The following STX7 variants were observed in gnomAD, a reference collection of about 807,000 sequenced individuals.
STX7 encodes syntaxin-7.
Under a neutral mutation model 39.6 loss-of-function variants are expected in STX7, and 34 were observed. The ratio of observed to expected loss-of-function variants is 0.86; its 90% CI spans 0.65 to 1.14. STX7 has a LOEUF of 1.14. Among genes scored for constraint, STX7 ranks in the 50% most tolerant of loss-of-function variants. STX7 has a pLI of 0.00. For missense variants in STX7, 284 were observed against 310.4 expected (o/e 0.92, Z 0.64); for synonymous variants, 119 against 99.1 (o/e 1.20, Z -1.19).
rs1774357380 is a variant in STX7 at position 132,460,312 on chromosome 6, AT to A, written c.*445del. On this transcript the variant is annotated 3_prime_UTR_variant, in exon 10 of 10. Transcript: ENST00000367941. ...CATGTATAGACCTTAATTATTTTAC[AT>A]TATTGAGAATATTTTCCCTGCTGAA... 6.5e-6 allele frequency: 1 copy of A among 152,734 alleles called. No homozygotes were observed. The allele number at this position is 152,734 out of a possible 1,614,324, so 9.5% of individuals were successfully genotyped here.
At chr6:132,469,803 C>T (rs1369502662) in intron 7 of STX7, 148 bp downstream of exon 7, 1 of 560,990 alleles carries the variant, frequency 1.8e-6, no homozygotes, top group Non-Finnish European at 3.0e-6. Flanking sequence ...TCCACCACCG[C>T]ACTCCAGCCT....
chr6:132,461,650 G>C, intron 9 of STX7: 1 of 594,116 alleles, frequency 1.7e-6, no homozygotes. Context: ...AATGATTTTG[G>C]AATGAGTTTC....
rs940710204 is a variant in STX7, at chr6:132,447,342, T to C, written c.*13416A>G. 2 of 152,220 alleles carry C rather than the reference T, an allele frequency of 1.3e-5. No homozygotes were observed. Among genetic ancestry groups the C allele is most frequent in the African/African-American group, 4.8e-5 (2 of 41,464 alleles). The allele number at this position is 152,220 out of a possible 1,614,324, so 9.4% of individuals were successfully genotyped here. A position where few individuals can be genotyped will look rare whatever the true frequency, so the allele number is the denominator to read the frequency against. The stretch of plus-strand genomic sequence containing the variant: ...TGGTTAATATCTTTTGCAGATTTTC[T>C]AAGAAATCTTTCCCTATCAGAGGTC... On this transcript the variant is annotated 3_prime_UTR_variant, in exon 10 of 10. Coordinates refer to ENST00000367941, the MANE Select transcript of STX7 (RefSeq NM_003569.3).
chr6:132,470,119 A>G lies in STX7; in HGVS notation c.441-72T>C, dbSNP rs1774676869. The G allele has an allele frequency of 1.4e-5, 16 of 1,131,274 alleles. No homozygotes were observed. In the Admixed American group the frequency reaches 3.9e-4, roughly 28 times the overall value. 70.1% of individuals were successfully genotyped at this position (1,131,274 alleles called of 1,614,324 possible). Reference sequence around the variant, plus strand: ...AAACAATGGGACTCATTTCCTATTTAAGATATATTCATTAAATAGGATATT... The same window carrying G: ...AAACAATGGGACTCATTTCCTATTTGAGATATATTCATTAAATAGGATATT... On this transcript the variant is annotated intron_variant, in intron 6 of 9. Transcript: ENST00000367941.
Position 132,451,063 on chromosome 6 carries a change from A to G in STX7, c.*9695T>C, listed in dbSNP as rs1268308760. 1 of 152,102 alleles carries G rather than the reference A, an allele frequency of 6.6e-6. No homozygotes were observed. The highest frequency in any genetic ancestry group is 2.4e-5 in the African/African-American group (1 of 41,438). The allele number at this position is 152,102 out of a possible 1,614,324, so 9.4% of individuals were successfully genotyped here. ...CTATAGGGACCAAAACAATTTAAAA[A>G]ACTGGATTTCTCATGGGGAACCATG... is the stretch of plus-strand genomic sequence containing the variant. On this transcript the variant is annotated 3_prime_UTR_variant, in exon 10 of 10. Transcript: ENST00000367941.
At chr6:132,501,452 T>C (rs1775556854) in intron 2 of STX7, among the ~76,000 whole-genome samples, 1 of 152,188 alleles carries the variant, frequency 6.6e-6, no homozygotes, top group Non-Finnish European at 1.5e-5. Flanking sequence ...ACTCGCACAC[T>C]TAGCTACCAA....
chr6:132,474,958 C>T (rs1003899589), intron 3 of STX7, among the ~76,000 whole-genome samples: 5 of 151,918 alleles, frequency 3.3e-5, no homozygotes, highest in African/African-American at 1.2e-4. Context: ...GGATCTAAAC[C>T]AAATAAAACT....
intron 3 of STX7, among the ~76,000 whole-genome samples, chr6:132,474,227 CAAAAAA>C (rs67939950): frequency 7.2e-5 from 5 of 69,914 alleles, no homozygotes; most frequent in South Asian, 6.5e-4. Context: ...GATCCTGTCT[CAAAAAA>C]AAAAAAAAAA....
chr6:132,496,224 A>G (rs1482938765), intron 2 of STX7, among the ~76,000 whole-genome samples: 1 of 152,150 alleles, frequency 6.6e-6, no homozygotes. Flanking sequence ...TCACTTTCCA[A>G]CTTTAGCCAC....
chr6:132,483,787 G>A (rs1371704610), intron 2 of STX7, among the ~76,000 whole-genome samples: 1 of 152,110 alleles, frequency 6.6e-6, no homozygotes, highest in Non-Finnish European at 1.5e-5. Flanking sequence ...AAAAATGCTT[G>A]AGAAAAATAA....
intron 3 of STX7, among the ~76,000 whole-genome samples, 163 bp from the exon 4 acceptor site, chr6:132,472,538 T>C (rs1774754959): frequency 6.6e-6 from 1 of 152,224 alleles, no homozygotes; most frequent in Non-Finnish European, 1.5e-5. Context: ...TCCTATTCTT[T>C]GATAAATAAT....
At chr6:132,476,717 G>T (rs1027222996) in intron 2 of STX7, among the ~76,000 whole-genome samples, 3 of 151,994 alleles carry the variant, frequency 2.0e-5, no homozygotes, top group African/African-American at 7.2e-5. Flanking sequence ...GTTTAGAAAA[G>T]ATTTTAAAAT....
intron 1 of STX7, among the ~76,000 whole-genome samples, chr6:132,508,749 C>T (rs558752381): frequency 5.3e-5 from 8 of 152,044 alleles, no homozygotes; most frequent in Non-Finnish European, 1.0e-4. Context: ...TGGGCTCATG[C>T]GATCCTCCAG....
At chr6:132,498,006 C>G (rs912177693) in intron 2 of STX7, among the ~76,000 whole-genome samples, 9 of 152,142 alleles carry the variant, frequency 5.9e-5, no homozygotes, top group Admixed American at 2.0e-4. Context: ...TTGCCTGGAG[C>G]CTTGGGTTGA....
chr6:132,499,532 T>C (rs1757967485), intron 2 of STX7, among the ~76,000 whole-genome samples: 1 of 152,218 alleles, frequency 6.6e-6, no homozygotes, highest in South Asian at 2.1e-4. Flanking sequence ...AATCCAATTA[T>C]CTGCTTTTAT....
intron 2 of STX7, among the ~76,000 whole-genome samples, chr6:132,497,849 A>T (rs746626377): frequency 6.6e-6 from 1 of 152,246 alleles, no homozygotes; most frequent in African/African-American, 2.4e-5. Flanking sequence ...ACAGGCATAG[A>T]TGTTGCTAAT....
At chr6:132,504,610 G>A (rs1444460019) in intron 1 of STX7, among the ~76,000 whole-genome samples, 1 of 152,176 alleles carries the variant, frequency 6.6e-6, no homozygotes, top group East Asian at 1.9e-4. Context: ...CCTGGTACAT[G>A]CCCAGCATTA....
rs1408325392 is a variant in STX7 at position 132,455,400 on chromosome 6, A to G, written c.*5358T>C. On this transcript the variant is annotated 3_prime_UTR_variant, in exon 10 of 10. Coordinates refer to ENST00000367941, the MANE Select transcript of STX7 (RefSeq NM_003569.3). ...TGGAGTTAGTAACTACTGCCTAACG[A>G]TACTTACAGTAAACACTTAAAAATT... 2 of 152,212 alleles carry G rather than the reference A, an allele frequency of 1.3e-5. No homozygotes were observed. The highest frequency in any genetic ancestry group is 2.9e-5 in the Non-Finnish European group (2 of 68,032). The allele number at this position is 152,212 out of a possible 1,614,324, so 9.4% of individuals were successfully genotyped here.
intron 1 of STX7, among the ~76,000 whole-genome samples, chr6:132,509,478 AT>A (rs1775790416): frequency 1.9e-5 from 2 of 106,554 alleles, no homozygotes; most frequent in Non-Finnish European, 1.9e-5. Context: ...ATAACATAAC[AT>A]AACATAACAT....
Sources: allele counts gnomAD v4.1 joint callset (sites outside exome capture counted in the v4.1 genomes callset), GRCh38; gene constraint gnomAD v4.1.1; transcripts MANE v1.5; gene names NCBI Gene and HGNC (gene_info 2026-07-23, HGNC 2026-07-21).